Variants in SCRG1 observed in about 807,000 individuals in gnomAD.
The protein encoded by SCRG1 is stimulator of chondrogenesis 1.
A neutral mutation model predicts 7.7 loss-of-function variants in SCRG1; 3 were observed. The observed-to-expected ratio is 0.39, with a 90% CI of 0.18 to 1.01. The LOEUF (loss-of-function observed/expected upper bound fraction) is 1.01, where lower values mean the gene tolerates loss of function less well. Ranked by LOEUF, SCRG1 falls within the 50% of genes least tolerant of loss-of-function variation. SCRG1 has a pLI of 0.36. For synonymous variants in SCRG1, 46 were observed against 41.2 expected (o/e 1.12, Z -0.44); for missense variants, 110 against 117.2 (o/e 0.94, Z 0.28).
Position 173,387,026 on chromosome 4 carries a change from G to T in SCRG1, c.*1315C>A, listed in dbSNP as rs1301465790. ...CCAAAGCTGTCTCCTCTAACAATCA[G>T]AAAATACCTTTGAAGTTCCCTGTTT... On this transcript the variant is annotated 3_prime_UTR_variant, in exon 3 of 3. Coordinates refer to ENST00000296506, the MANE Select transcript of SCRG1 (RefSeq NM_007281.4). 5 of 152,144 alleles carry T rather than the reference G, an allele frequency of 3.3e-5. No homozygotes were observed. The highest frequency in any genetic ancestry group is 7.4e-5 in the Non-Finnish European group (5 of 68,012). The allele number at this position is 152,144 out of a possible 1,614,324, so 9.4% of individuals were successfully genotyped here.
the SCRG1 span, among the ~76,000 whole-genome samples, chr4:173,484,730 T>TAATACATATTATATATTATATGCAC: frequency 9.6e-5 from 8 of 83,744 alleles, no homozygotes; most frequent in Non-Finnish European, 1.6e-4. Context: ...ATTATATGCA[T>TAATACATATTATATATTATATGCAC]ATAATACATA....
chr4:173,470,286 C>G, the SCRG1 span, among the ~76,000 whole-genome samples: 2 of 151,962 alleles, frequency 1.3e-5, no homozygotes, highest in East Asian at 3.8e-4. Flanking sequence ...GTACAGAAAC[C>G]TATATTGGGC....
At chr4:173,480,241 G>C in the SCRG1 span, among the ~76,000 whole-genome samples, 1 of 152,164 alleles carries the variant, frequency 6.6e-6, no homozygotes. Flanking sequence ...ACAGAGGATG[G>C]AGGAACAAGT....
the SCRG1 span, among the ~76,000 whole-genome samples, chr4:173,475,881 A>G: frequency 1.3e-5 from 2 of 152,320 alleles, no homozygotes; most frequent in Non-Finnish European, 2.9e-5. Flanking sequence ...AATAGAAAGT[A>G]TCTAGAATAG....
chr4:173,420,230 C>A, the SCRG1 span: 3,528 of 297,252 alleles, frequency 0.012, 125 homozygotes, highest in African/African-American at 0.069. Flanking sequence ...ACTTTTGATT[C>A]CCTTTACCTT....
At chr4:173,394,006 TA>T (rs1296513449) in intron 1 of SCRG1, among the ~76,000 whole-genome samples, 3 of 152,146 alleles carry the variant, frequency 2.0e-5, no homozygotes, top group Admixed American at 2.0e-4. Flanking sequence ...TGTGTGTCCT[TA>T]AATGTTAAGT....
chr4:173,485,109 T>G, the SCRG1 span, among the ~76,000 whole-genome samples: 2 of 14,470 alleles, frequency 1.4e-4, no homozygotes, highest in Admixed American at 2.0e-3. Flanking sequence ...ATATTATATA[T>G]TATATAATAT....
At chr4:173,401,123 C>CCCT (rs552839672), upstream of SCRG1, among the ~76,000 whole-genome samples, 54 of 152,316 alleles carry the variant, frequency 3.5e-4, 1 homozygote, top group South Asian at 0.01. Flanking sequence ...CAACCAGAAG[C>CCCT]AGTTCCAGCC....
At chr4:173,445,441 G>A in the SCRG1 span, among the ~76,000 whole-genome samples, 4 of 151,846 alleles carry the variant, frequency 2.6e-5, no homozygotes, top group Admixed American at 6.6e-5. Flanking sequence ...AATTAGCTGG[G>A]TGTGGTGGCA....
chr4:173,469,346 A>G, the SCRG1 span: 1 of 152,184 alleles, frequency 6.6e-6, no homozygotes. Flanking sequence ...TAAAATTGCC[A>G]AGATAATAAT....
rs1007250229 is a variant in SCRG1 at position 173,386,803 on chromosome 4, T to G, written c.*1538A>C. The G allele has an allele frequency of 3.3e-5, 5 of 152,348 alleles. No individual in the cohort carries two copies. In the South Asian group the frequency reaches 1.0e-3, roughly 32 times the overall value. 9.4% of individuals were successfully genotyped at this position (152,348 alleles called of 1,614,324 possible). On this transcript the variant is annotated 3_prime_UTR_variant, in exon 3 of 3. Coordinates refer to ENST00000296506, the MANE Select transcript of SCRG1 (RefSeq NM_007281.4). ...AGGCTTCACATTTATAAATAATTACTTGTTTATAGCAATCACACCTTTGTT... is the reference window on the plus strand; with the variant it reads ...AGGCTTCACATTTATAAATAATTACGTGTTTATAGCAATCACACCTTTGTT...
At chr4:173,476,363 A>AAAAAAAAATATATAT in the SCRG1 span, among the ~76,000 whole-genome samples, 5 of 98,480 alleles carry the variant, frequency 5.1e-5, no homozygotes, top group Non-Finnish European at 1.2e-4. Context: ...GGAAAAAAAA[A>AAAAAAAAATATATAT]ATATATATAT....
the SCRG1 span, among the ~76,000 whole-genome samples, chr4:173,491,220 T>TTA: frequency 6.6e-6 from 1 of 151,414 alleles, no homozygotes; most frequent in Admixed American, 6.6e-5. Context: ...TCTCTCTCTT[T>TTA]TTTTTTTTTT....
At chr4:173,432,616 C>A in the SCRG1 span, among the ~76,000 whole-genome samples, 1 of 152,116 alleles carries the variant, frequency 6.6e-6, no homozygotes, top group African/African-American at 2.4e-5. Flanking sequence ...CAGAGTTTAC[C>A]GTGTGCCACA....
chr4:173,394,556 A>C (rs1390618976), intron 1 of SCRG1, among the ~76,000 whole-genome samples: 1 of 152,168 alleles, frequency 6.6e-6, no homozygotes, highest in Non-Finnish European at 1.5e-5. Flanking sequence ...AGGCAGGAGA[A>C]TCACTTGAAC....
the SCRG1 span, among the ~76,000 whole-genome samples, chr4:173,439,545 A>G: frequency 6.6e-6 from 1 of 151,770 alleles, no homozygotes; most frequent in Admixed American, 6.6e-5. Context: ...ATATACATGC[A>G]TTATACACAT....
the SCRG1 span, among the ~76,000 whole-genome samples, chr4:173,451,639 TTTATTTA>T: frequency 0.31 from 17,671 of 57,570 alleles, 1,246 homozygotes; most frequent in Non-Finnish European, 0.36. Context: ...ACTTATTTTA[TTTATTTA>T]TTTATTTATT....
the SCRG1 span, among the ~76,000 whole-genome samples, chr4:173,422,497 T>C: frequency 1.3e-5 from 2 of 152,174 alleles, no homozygotes; most frequent in African/African-American, 2.4e-5. Context: ...TCACATCCCT[T>C]CCCATCCTTA....
the SCRG1 span, among the ~76,000 whole-genome samples, chr4:173,443,184 T>C: frequency 3.3e-5 from 5 of 152,134 alleles, no homozygotes; most frequent in Non-Finnish European, 5.9e-5. Context: ...GCTTTTCAGA[T>C]CTTATGAGAT....
Sources: allele counts gnomAD v4.1 joint callset (sites outside exome capture counted in the v4.1 genomes callset), GRCh38; gene constraint gnomAD v4.1.1; transcripts MANE v1.5; gene names NCBI Gene and HGNC (gene_info 2026-07-23, HGNC 2026-07-21).